Variants in SHISA6 observed in about 807,000 individuals in gnomAD.
SHISA6 encodes the protein protein shisa-6.
Under a neutral mutation model 47.9 loss-of-function variants are expected in SHISA6, and 22 were observed. That is an observed-to-expected ratio of 0.46 (90% CI 0.33 to 0.66). The LOEUF is 0.66. SHISA6 is among the 30% of genes least tolerant of loss of function. The pLI is 0.02. For missense variants in SHISA6, 680 were observed against 764.6 expected, an observed-to-expected ratio of 0.89 and a Z score of 1.30; for synonymous variants, 388 against 337.8, an observed-to-expected ratio of 1.15 and a Z score of -1.63.
chr17:11,333,771 A>T (rs925970898), intron 2 of SHISA6, among the ~76,000 whole-genome samples: 11 of 152,250 alleles, frequency 7.2e-5, no homozygotes, highest in Middle Eastern at 3.4e-3. Context: ...ATGGTGGCTC[A>T]TGCCTGTAGT....
At chr17:11,307,348 G>A (rs77906119) in intron 2 of SHISA6, among the ~76,000 whole-genome samples, 5,193 of 152,202 alleles carry the variant, frequency 0.034, 311 homozygotes, top group African/African-American at 0.12. Flanking sequence ...TTAGCTTGGG[G>A]AGCTAGGTTT....
At chr17:11,350,178 ATTTATTTT>A (rs1911828279) in intron 2 of SHISA6, among the ~76,000 whole-genome samples, 1 of 101,148 alleles carries the variant, frequency 9.9e-6, no homozygotes, top group Non-Finnish European at 2.0e-5. Flanking sequence ...TTATTTATTT[ATTTATTTT>A]TTTTTTTTTT....
At chr17:11,446,211 T>C (rs1915231711) in intron 3 of SHISA6, among the ~76,000 whole-genome samples, 1 of 152,220 alleles carries the variant, frequency 6.6e-6, no homozygotes, top group South Asian at 2.1e-4. Context: ...AGGAGGACTC[T>C]GCATGCAGAG....
chr17:11,304,308 G>A (rs1440280147), intron 2 of SHISA6, among the ~76,000 whole-genome samples: 4 of 152,202 alleles, frequency 2.6e-5, no homozygotes, highest in South Asian at 2.1e-4. Context: ...TGAGCTTCAC[G>A]AGCAGAGGGA....
chr17:11,465,827 C>T (rs1456381268), intron 3 of SHISA6, among the ~76,000 whole-genome samples: 3 of 152,190 alleles, frequency 2.0e-5, no homozygotes, highest in Non-Finnish European at 4.4e-5. Context: ...TCCCGGGAGC[C>T]GTGGCGAACG....
chr17:11,415,532 C>T (rs1029744113), intron 3 of SHISA6, among the ~76,000 whole-genome samples: 6 of 152,216 alleles, frequency 3.9e-5, no homozygotes, highest in African/African-American at 1.2e-4. Flanking sequence ...TTTACAATTA[C>T]TCACCAGCTC....
At chr17:11,477,616 G>C (rs1306031696) in intron 3 of SHISA6, among the ~76,000 whole-genome samples, 1 of 126,118 alleles carries the variant, frequency 7.9e-6, no homozygotes, top group East Asian at 2.3e-4. Context: ...TCCCCTTCCT[G>C]TGTCCATGTG....
At position 11,278,740 on chromosome 17, in the gene SHISA6, G is replaced by A. The variant is rs1035460408; in HGVS notation, c.799+15214G>A. ...TTATTCTGCTCTGTATTCAAGCTTC[G>A]TATTTCCCTTTGTGTGTGTTTAGCT... On this transcript the variant is annotated intron_variant, in intron 2 of 5. Transcript: ENST00000441885. 1.4e-4 allele frequency among the ~76,000 whole-genome samples: 22 copies of A among 152,180 alleles called. 1 individual carries two copies. The South Asian group carries it at 2.3e-3, about 16-fold the overall frequency.
At chr17:11,539,527 C>A (rs990645715) in intron 3 of SHISA6, among the ~76,000 whole-genome samples, 3 of 152,232 alleles carry the variant, frequency 2.0e-5, no homozygotes, top group African/African-American at 7.2e-5. Context: ...CAACTGCCCA[C>A]CTCCCTTAGC....
intron 3 of SHISA6, among the ~76,000 whole-genome samples, chr17:11,422,001 A>T (rs962688292): frequency 4.6e-5 from 7 of 152,088 alleles, no homozygotes. Context: ...AGGGGAGAAG[A>T]ATTATTATGT....
At chr17:11,302,578 T>C (rs1909967497) in intron 2 of SHISA6, among the ~76,000 whole-genome samples, 1 of 152,186 alleles carries the variant, frequency 6.6e-6, no homozygotes, top group African/African-American at 2.4e-5. Flanking sequence ...AGGCCTAAGC[T>C]TTTGAAAAGC....
chr17:11,319,013 G>C (rs750685501), intron 2 of SHISA6, among the ~76,000 whole-genome samples: 5 of 150,898 alleles, frequency 3.3e-5, no homozygotes, highest in Non-Finnish European at 7.4e-5. Context: ...CTAGTATTCA[G>C]CTCTTCATTG....
chr17:11,522,866 G>A (rs1257200220), intron 3 of SHISA6, among the ~76,000 whole-genome samples: 2 of 152,164 alleles, frequency 1.3e-5, no homozygotes, highest in African/African-American at 4.8e-5. Context: ...TGACTTGCAT[G>A]CAATAATACT....
chr17:11,274,207 T>G (rs2142155376), intron 2 of SHISA6, among the ~76,000 whole-genome samples: 1 of 152,248 alleles, frequency 6.6e-6, no homozygotes, highest in Non-Finnish European at 1.5e-5. Context: ...AGAGCCTACT[T>G]TCCCCACGTG....
intron 3 of SHISA6, among the ~76,000 whole-genome samples, chr17:11,421,659 C>G (rs1439135280): frequency 6.6e-6 from 1 of 152,244 alleles, no homozygotes. Context: ...ATACTTTTGC[C>G]TCAGAGGCCT....
intron 2 of SHISA6, among the ~76,000 whole-genome samples, chr17:11,372,898 G>C (rs1912673978): frequency 1.3e-5 from 2 of 152,060 alleles, no homozygotes; most frequent in Non-Finnish European, 2.9e-5. Flanking sequence ...TCTAAAGATG[G>C]AGAATTGCTC....
chr17:11,445,235 A>T (rs1395118913), intron 3 of SHISA6, among the ~76,000 whole-genome samples: 1 of 152,144 alleles, frequency 6.6e-6, no homozygotes, highest in Non-Finnish European at 1.5e-5. Context: ...TAATTCATTT[A>T]TGAGGGATCT....
At chr17:11,373,264 G>T (rs1442549442) in intron 2 of SHISA6, among the ~76,000 whole-genome samples, 3 of 151,428 alleles carry the variant, frequency 2.0e-5, no homozygotes, top group Non-Finnish European at 4.4e-5. Flanking sequence ...GACACTCTTT[G>T]TGGCCTTTAT....
chr17:11,491,633 G>T (rs1166753612), intron 3 of SHISA6, among the ~76,000 whole-genome samples: 1 of 152,086 alleles, frequency 6.6e-6, no homozygotes. Context: ...ATCCCTTTAG[G>T]TTGGACTATG....
Sources: gnomAD v4.1 joint callset for allele counts (sites outside exome capture counted in the v4.1 genomes callset) on GRCh38, gnomAD v4.1.1 for gene constraint, MANE v1.5 for transcripts, NCBI Gene and HGNC (gene_info 2026-07-23, HGNC 2026-07-21) for gene names.